PTPRO: variants seen among roughly 807,000 people sequenced by gnomAD.
PTPRO encodes receptor-type tyrosine-protein phosphatase O.
PTPRO carries 62 observed loss-of-function variants against 145.2 expected under a neutral mutation model. The observed-to-expected ratio is 0.43, with a 90% CI of 0.35 to 0.53. The LOEUF (loss-of-function observed/expected upper bound fraction) is 0.53. Ranked by LOEUF, PTPRO falls within the 20% of genes least tolerant of loss-of-function variation. The pLI, the probability that PTPRO is intolerant of heterozygous loss-of-function variation, is 0.01. For missense variants in PTPRO, 1,345 were observed against 1,482.7 expected (o/e 0.91, Z 1.53); for synonymous variants, 565 against 514.7 (o/e 1.10, Z -1.32).
chr12:15,544,408 G>A (rs1445924526), intron 12 of PTPRO, among the ~76,000 whole-genome samples: 2 of 151,184 alleles, frequency 1.3e-5, no homozygotes, highest in East Asian at 3.9e-4. Flanking sequence ...AGGAGGCTGA[G>A]GCAGGAGAAT....
At chr12:15,516,517 G>GAAA (rs57482917) in intron 8 of PTPRO, among the ~76,000 whole-genome samples, 3 of 36,214 alleles carry the variant, frequency 8.3e-5, no homozygotes, top group African/African-American at 2.1e-4. Flanking sequence ...AAGAAAGAAA[G>GAAA]AAAAAGAAAA....
At chr12:15,538,378 C>A (rs968804909) in intron 12 of PTPRO, among the ~76,000 whole-genome samples, 1 of 152,254 alleles carries the variant, frequency 6.6e-6, no homozygotes, top group East Asian at 1.9e-4. Flanking sequence ...GTGCGCACCA[C>A]CACGCCTGGC....
chr12:15,558,262 G>A (rs1943689560), intron 16 of PTPRO, among the ~76,000 whole-genome samples: 1 of 152,096 alleles, frequency 6.6e-6, no homozygotes, highest in Admixed American at 6.6e-5. Context: ...TCACATTTCA[G>A]TGCCTGAGGC....
intron 1 of PTPRO, among the ~76,000 whole-genome samples, chr12:15,416,285 A>G (rs537973131): frequency 2.0e-5 from 3 of 150,880 alleles, no homozygotes; most frequent in African/African-American, 4.9e-5. Context: ...TTAATGGTCA[A>G]ACTAAATCTT....
intron 1 of PTPRO, among the ~76,000 whole-genome samples, chr12:15,425,594 G>A (rs754490401): frequency 3.3e-5 from 5 of 151,978 alleles, no homozygotes; most frequent in African/African-American, 7.3e-5. Flanking sequence ...TGTGACTTTT[G>A]GGTTTAGAAC....
chr12:15,451,677 TC>T (rs1318341248), intron 1 of PTPRO, among the ~76,000 whole-genome samples: 1 of 152,158 alleles, frequency 6.6e-6, no homozygotes, highest in African/African-American at 2.4e-5. Flanking sequence ...AAATTGGAAA[TC>T]AACTCCAAAA....
intron 19 of PTPRO, among the ~76,000 whole-genome samples, chr12:15,575,237 C>G (rs1262989427): frequency 6.6e-6 from 1 of 152,206 alleles, no homozygotes; most frequent in East Asian, 1.9e-4. Flanking sequence ...TCTCACTAGG[C>G]TGGAGTCCCT....
chr12:15,335,828 T>C (rs948572020), intron 1 of PTPRO, among the ~76,000 whole-genome samples: 2 of 152,184 alleles, frequency 1.3e-5, no homozygotes, highest in Non-Finnish European at 2.9e-5. Flanking sequence ...TCCATCTCTA[T>C]GCTATTACCT....
At chr12:15,509,432 C>T (rs1203656756) in intron 7 of PTPRO, among the ~76,000 whole-genome samples, 3 of 151,048 alleles carry the variant, frequency 2.0e-5, no homozygotes, top group Non-Finnish European at 2.9e-5. Flanking sequence ...TGTGGGGGCT[C>T]ACACCTTTAA....
At chr12:15,325,105 T>G (rs1431100839) in intron 1 of PTPRO, among the ~76,000 whole-genome samples, 1 of 152,220 alleles carries the variant, frequency 6.6e-6, no homozygotes, top group Admixed American at 6.5e-5. Flanking sequence ...CAACTCTCCC[T>G]TGCCAAAATA....
At chr12:15,541,686 A>G (rs1565695622) in intron 12 of PTPRO, among the ~76,000 whole-genome samples, 2 of 152,188 alleles carry the variant, frequency 1.3e-5, no homozygotes, top group Non-Finnish European at 2.9e-5. Context: ...AGCACGTGCT[A>G]ACAGCTTCAT....
At chr12:15,482,441 T>A (rs1941799240) in intron 1 of PTPRO, among the ~76,000 whole-genome samples, 1 of 152,092 alleles carries the variant, frequency 6.6e-6, no homozygotes, top group African/African-American at 2.4e-5. Flanking sequence ...CCAGGAGGAA[T>A]ACGTTCTAAT....
intron 15 of PTPRO, among the ~76,000 whole-genome samples, chr12:15,555,053 T>C (rs993717266): frequency 1.4e-5 from 2 of 146,518 alleles, no homozygotes; most frequent in Non-Finnish European, 3.0e-5. Flanking sequence ...CTGGCCAACA[T>C]GGTGAAACCC....
At chr12:15,443,005 CAAAT>C (rs1238516607) in intron 1 of PTPRO, among the ~76,000 whole-genome samples, 1 of 152,000 alleles carries the variant, frequency 6.6e-6, no homozygotes, top group African/African-American at 2.4e-5. Flanking sequence ...AAAAAGAGCC[CAAAT>C]AGTCTAAGCA....
At chr12:15,487,681 A>G (rs1941918628) in intron 2 of PTPRO, among the ~76,000 whole-genome samples, 1 of 152,096 alleles carries the variant, frequency 6.6e-6, no homozygotes, top group Non-Finnish European at 1.5e-5. Context: ...AGCTAGAGAG[A>G]GACAGTAGAC....
At chr12:15,330,131 T>C in intron 1 of PTPRO, among the ~76,000 whole-genome samples, 1 of 151,982 alleles carries the variant, frequency 6.6e-6, no homozygotes, top group East Asian at 1.9e-4. Context: ...GAGATAAGAG[T>C]TGCATTTCAG....
At chr12:15,502,090 TAAG>T in intron 5 of PTPRO, 27 bp downstream of exon 5, 1 of 1,562,258 alleles carries the variant, frequency 6.4e-7, no homozygotes, top group African/African-American at 1.4e-5. Flanking sequence ...TCAGAGGAAA[TAAG>T]AACTGATACA....
At chr12:15,408,505 G>C (rs1046337500) in intron 1 of PTPRO, among the ~76,000 whole-genome samples, 3 of 152,078 alleles carry the variant, frequency 2.0e-5, no homozygotes, top group Non-Finnish European at 4.4e-5. Flanking sequence ...CTCCCTCACT[G>C]CAAACTCCGC....
rs771824880 is a variant in PTPRO, at chr12:15,484,115, G to A, written c.217G>A (p.Glu73Lys). 2 of 1,613,736 alleles carry A rather than the reference G, an allele frequency of 1.2e-6. No homozygotes were observed. Among genetic ancestry groups the A allele is most frequent in the Admixed American group, 3.3e-5 (2 of 59,960 alleles). The stretch of plus-strand genomic sequence containing the variant: ...CAAAAATTATTTCTTCGAATTTGAG[G>A]AATTCAACAGCACTTTGCCTCCTCC... ...ESKNYFFEFE[E>K]FNSTLPPPVI... Residue 73 changes from glutamate to lysine, a missense_variant, in exon 2 of 27, where the codon GAA (glutamate) becomes AAA (lysine). Around this residue, in one of 3 missense-constraint regions of PTPRO, gnomAD observed 1,130 missense variants for 1,214.7 expected, o/e 0.93. Transcript: ENST00000281171.
Sources: gnomAD v4.1 joint callset for allele counts (sites outside exome capture counted in the v4.1 genomes callset) on GRCh38, gnomAD v4.1.1 for gene constraint, gnomAD v4.1.1 regional missense constraint, MANE v1.5 for transcripts, NCBI Gene and HGNC (gene_info 2026-07-23, HGNC 2026-07-21) for gene names.